The following BAD variants were observed in gnomAD, a reference collection of about 807,000 sequenced individuals.
BAD encodes bcl2-associated agonist of cell death.
Under a neutral mutation model 17.8 loss-of-function variants are expected in BAD, and 18 were observed. The observed-to-expected ratio is 1.01, with a 90% confidence interval of 0.70 to 1.50. The LOEUF (loss-of-function observed/expected upper bound fraction) is 1.50, where lower values mean the gene tolerates loss of function less well. BAD is among the 40% of genes most tolerant of loss of function. BAD has a pLI of 0.00. For synonymous variants in BAD, 112 were observed against 91.5 expected (o/e 1.22, Z -1.28); for missense variants, 294 against 239.3 (o/e 1.23, Z -1.51).
intron 1 of BAD, 34 bp downstream of exon 1, chr11:64,284,597 C>T (rs903418016): frequency 3.7e-5 from 55 of 1,498,432 alleles, no homozygotes; most frequent in Non-Finnish European, 4.9e-5. Context: ...ACCCAGGCCC[C>T]GCCCCGCCCG....
Position 64,284,171 on chromosome 11 carries a change from G to A in BAD, c.187+11C>T, listed in dbSNP as rs776845441. On this transcript the variant is annotated intron_variant, in intron 2 of 3. Coordinates refer to ENST00000309032, the MANE Select transcript of BAD (RefSeq NM_032989.3). ...AGGTGTCCCGGCAGGTGGAGGTGGT[G>A]GGGTACTTACCTCCATGATGGCTGC... 1.9e-6 allele frequency: 3 copies of A among 1,570,150 alleles called. No individual in the cohort carries two copies. Among genetic ancestry groups the A allele is most frequent in the Non-Finnish European group, 2.6e-6 (3 of 1,157,678 alleles).
chr11:64,284,064 C>T (rs1435481768), intron 2 of BAD, 118 bp downstream of exon 2: 1 of 1,235,128 alleles, frequency 8.1e-7, no homozygotes, highest in Non-Finnish European at 1.1e-6. Context: ...GAAACTGGGG[C>T]TCTGAGAGTT....
intron 2 of BAD, among the ~76,000 whole-genome samples, chr11:64,282,479 G>A (rs1408771440): frequency 6.6e-6 from 1 of 152,068 alleles, no homozygotes; most frequent in Non-Finnish European, 1.5e-5. Context: ...ATGCACCTGT[G>A]GTCCCAGCTG....
At chr11:64,270,652 G>A (rs747775290) in intron 3 of BAD, 1 of 601,624 alleles carries the variant, frequency 1.7e-6, no homozygotes, top group South Asian at 1.5e-5. Context: ...TCAAAGGGCC[G>A]GGAGCGATGG....
chr11:64,276,680 T>C (rs1181278208), intron 2 of BAD: 5 of 517,546 alleles, frequency 9.7e-6, no homozygotes, highest in African/African-American at 5.9e-5. Context: ...CCTGGGGGAG[T>C]GTCTGTGAAT....
At chr11:64,280,040 A>G (rs373362544) in intron 2 of BAD, among the ~76,000 whole-genome samples, 37 of 151,604 alleles carry the variant, frequency 2.4e-4, no homozygotes, top group Non-Finnish European at 3.8e-4. Context: ...TAATTTGGCC[A>G]GGCGCGGTGG....
chr11:64,276,827 G>C (rs1414076972), intron 2 of BAD: 2 of 700,234 alleles, frequency 2.9e-6, no homozygotes, highest in Non-Finnish European at 5.3e-6. Context: ...CATCCGCCTA[G>C]AGCCTGGCCC....
intron 2 of BAD, chr11:64,277,178 T>G: frequency 1.7e-6 from 1 of 594,588 alleles, no homozygotes; most frequent in Non-Finnish European, 3.0e-6. Flanking sequence ...AGGGCTGGGT[T>G]TGGATCCTGC....
intron 3 of BAD, chr11:64,270,623 T>C (rs1565343759): frequency 1.5e-6 from 1 of 653,330 alleles, no homozygotes; most frequent in Admixed American, 2.1e-5. Flanking sequence ...ACCCAGAAGA[T>C]GAGACCGCAA....
Position 64,280,707 on chromosome 11 carries a change from A to G in BAD, c.187+3475T>C, listed in dbSNP as rs1473927586. ...TTTTGAGACGGACTCTTGCTCTGTC[A>G]CCCAGGCTGGAGTGCAGTGGCAGGA... On this transcript the variant is annotated intron_variant, in intron 2 of 3. Transcript: ENST00000309032. Among the ~76,000 whole-genome samples, 73 of 139,550 alleles carry G rather than the reference A, an allele frequency of 5.2e-4. No individual in the cohort carries two copies. The Middle Eastern group carries it at 0.014, about 27-fold the overall frequency. The allele number at this position is 139,550 out of a possible 152,430, so 91.6% of individuals were successfully genotyped here. A position where few individuals can be genotyped will look rare whatever the true frequency, so the allele number is the denominator to read the frequency against.
intron 2 of BAD, among the ~76,000 whole-genome samples, chr11:64,282,709 C>T (rs781080887): frequency 3.3e-5 from 5 of 151,902 alleles, no homozygotes; most frequent in Non-Finnish European, 5.9e-5. Context: ...GAAACCCCAT[C>T]TCTAATAAAA....
intron 2 of BAD, among the ~76,000 whole-genome samples, chr11:64,278,961 A>T (rs1363686745): frequency 6.6e-6 from 1 of 152,182 alleles, no homozygotes; most frequent in Non-Finnish European, 1.5e-5. Flanking sequence ...AAGGTTAAGA[A>T]ATCCAGCTCT....
chr11:64,271,621 A>T lies in BAD; in HGVS notation c.370T>A (p.Ser124Thr), dbSNP rs776579950. ...TGGGGACTGGCGCTCACCTTAAAGG[A>T]GTCCACAAACTCGTCACTCATCCTC... ...LRRMSDEFVD[S>T]FKKGLPRPKS... Residue 124 changes from serine (S) to threonine (T), a missense_variant, in exon 3 of 4, where the codon TCC becomes ACC. Coordinates refer to ENST00000309032, the MANE Select transcript of BAD (RefSeq NM_032989.3). 1 of 1,492,400 alleles carries T rather than the reference A, an allele frequency of 6.7e-7. No homozygotes were observed. The highest frequency in any genetic ancestry group is 1.3e-5 in the South Asian group (1 of 77,866). The allele number at this position is 1,492,400 out of a possible 1,614,324, so 92.4% of individuals were successfully genotyped here. A position where few individuals can be genotyped will look rare whatever the true frequency, so the allele number is the denominator to read the frequency against.
intron 2 of BAD, among the ~76,000 whole-genome samples, chr11:64,274,389 G>GAAA (rs58134629): frequency 9.5e-6 from 1 of 105,502 alleles, no homozygotes. Flanking sequence ...TCTACCTCGA[G>GAAA]AAAAAAAAAA....
intron 3 of BAD, among the ~76,000 whole-genome samples, chr11:64,270,866 G>A (rs2032456414): frequency 6.8e-6 from 1 of 146,396 alleles, no homozygotes; most frequent in African/African-American, 2.5e-5. Context: ...GCCTGGAGTG[G>A]GATCTAGACT....
intron 2 of BAD, among the ~76,000 whole-genome samples, chr11:64,282,267 G>T (rs942564683): frequency 5.9e-5 from 9 of 152,190 alleles, no homozygotes; most frequent in Non-Finnish European, 1.3e-4. Flanking sequence ...GGGGAAGTTT[G>T]TGAGCAGAAA....
At chr11:64,273,024 G>A (rs965134791) in intron 2 of BAD, among the ~76,000 whole-genome samples, 1 of 152,056 alleles carries the variant, frequency 6.6e-6, no homozygotes, top group African/African-American at 2.4e-5. Context: ...TCAGGAGTTC[G>A]AGACCAGCCT....
At position 64,270,122 on chromosome 11, in the gene BAD, A is replaced by C. The variant is rs770061234; in HGVS notation, c.*87T>G. On this transcript the variant is annotated 3_prime_UTR_variant, in exon 4 of 4. Coordinates refer to ENST00000309032, the MANE Select transcript of BAD (RefSeq NM_032989.3). ...GACAGCACGGATCCTCTTTTTGCAT[A>C]GGCCTGAGGGAAGTACTTCCGCCCA... is the stretch of plus-strand genomic sequence containing the variant. 6.3e-7 allele frequency: 1 copy of C among 1,592,524 alleles called. No homozygotes were observed. Among genetic ancestry groups the C allele is most frequent in the Non-Finnish European group, 8.6e-7 (1 of 1,165,476 alleles).
At position 64,284,180 on chromosome 11, in the gene BAD, A is replaced by T; in HGVS notation, c.187+2T>A. 1.9e-6 allele frequency: 3 copies of T among 1,588,620 alleles called. No individual in the cohort carries two copies. Among genetic ancestry groups the T allele is most frequent in the Non-Finnish European group, 2.6e-6 (3 of 1,167,460 alleles). Reference sequence around the variant, plus strand: ...GGCAGGTGGAGGTGGTGGGGTACTTACCTCCATGATGGCTGCTGCTGGTTG... The same window carrying T: ...GGCAGGTGGAGGTGGTGGGGTACTTTCCTCCATGATGGCTGCTGCTGGTTG... On this transcript the variant is annotated splice_donor_variant, in intron 2 of 3. Transcript: ENST00000309032. LOFTEE classifies it high-confidence loss of function.
Sources: allele counts gnomAD v4.1 joint callset (sites outside exome capture counted in the v4.1 genomes callset), GRCh38; gene constraint gnomAD v4.1.1; transcripts MANE v1.5; gene names NCBI Gene and HGNC (gene_info 2026-07-23, HGNC 2026-07-21).